The following LRMDA variants were observed in gnomAD, a reference collection of about 807,000 sequenced individuals.
LRMDA encodes the protein leucine-rich melanocyte differentiation-associated protein.
A neutral mutation model predicts 29.8 loss-of-function variants in LRMDA; 18 were observed. The observed-to-expected ratio is 0.60, with a 90% confidence interval of 0.42 to 0.90. LRMDA has a LOEUF of 0.90. Among genes scored for constraint, LRMDA ranks in the 40% least tolerant of loss-of-function variants. The pLI is 0.00. For missense variants in LRMDA, 273 were observed against 273.9 expected (o/e 1.00, Z 0.02); for synonymous variants, 125 against 109.4 (o/e 1.14, Z -0.89).
chr10:75,473,440 G>A (rs1380458045), intron 2 of LRMDA, among the ~76,000 whole-genome samples: 2 of 152,228 alleles, frequency 1.3e-5, no homozygotes, highest in Non-Finnish European at 2.9e-5. Flanking sequence ...ATGCGTTTCC[G>A]AAGTTCAGTG....
intron 2 of LRMDA, among the ~76,000 whole-genome samples, chr10:76,027,521 T>A (rs1440911115): frequency 6.6e-6 from 1 of 151,986 alleles, no homozygotes; most frequent in Non-Finnish European, 1.5e-5. Context: ...ATCACACACA[T>A]ACACACACAC....
chr10:76,021,707 G>A (rs145372258), intron 2 of LRMDA, among the ~76,000 whole-genome samples: 1 of 152,282 alleles, frequency 6.6e-6, no homozygotes, highest in Admixed American at 6.5e-5. Context: ...CTTAAGCCAG[G>A]CCTCTCCAGC....
At chr10:76,208,690 G>A (rs972676236) in intron 5 of LRMDA, among the ~76,000 whole-genome samples, 2 of 152,090 alleles carry the variant, frequency 1.3e-5, no homozygotes, top group African/African-American at 2.4e-5. Flanking sequence ...GAAGCCCAGG[G>A]TAATCTGTTA....
intron 2 of LRMDA, among the ~76,000 whole-genome samples, chr10:75,559,487 G>A (rs1355080710): frequency 2.0e-5 from 3 of 151,524 alleles, no homozygotes; most frequent in Non-Finnish European, 4.4e-5. Flanking sequence ...TAGGTTGCCT[G>A]TTCACTCTGA....
intron 5 of LRMDA, among the ~76,000 whole-genome samples, chr10:76,073,708 T>A (rs1247962263): frequency 6.6e-6 from 1 of 152,210 alleles, no homozygotes; most frequent in Non-Finnish European, 1.5e-5. Flanking sequence ...GTTGGCAGCC[T>A]ATCTTGGCTG....
Position 75,527,676 on chromosome 10 carries a change from A to G in LRMDA, c.131+89182A>G, listed in dbSNP as rs1378144711. 2.0e-5 allele frequency among the ~76,000 whole-genome samples: 3 copies of G among 147,778 alleles called. No homozygotes were observed. The East Asian group carries it at 5.8e-4, about 29-fold the overall frequency. ...ACTGTATACTATATAATTATAATAT[A>G]AATCATATATAATTTATATTATAAT... is the stretch of plus-strand genomic sequence containing the variant. On this transcript the variant is annotated intron_variant, in intron 2 of 6. Transcript: ENST00000611255.
intron 5 of LRMDA, among the ~76,000 whole-genome samples, chr10:76,129,362 G>T (rs1849944108): frequency 6.6e-6 from 1 of 152,166 alleles, no homozygotes; most frequent in Non-Finnish European, 1.5e-5. Flanking sequence ...CCTACTTCTG[G>T]CCAGGCTGTT....
chr10:75,756,695 T>C (rs143942187), intron 2 of LRMDA, among the ~76,000 whole-genome samples: 5 of 152,204 alleles, frequency 3.3e-5, no homozygotes, highest in African/African-American at 1.2e-4. Flanking sequence ...TTTGCCTACA[T>C]GTTTTCTCTT....
chr10:76,401,720 C>T (rs770842164), intron 6 of LRMDA, among the ~76,000 whole-genome samples: 3 of 152,126 alleles, frequency 2.0e-5, no homozygotes, highest in Admixed American at 6.5e-5. Flanking sequence ...GCTGCATAGT[C>T]AGGAAGTAAC....
At chr10:76,361,040 C>T (rs1404968911) in intron 6 of LRMDA, among the ~76,000 whole-genome samples, 1 of 151,898 alleles carries the variant, frequency 6.6e-6, no homozygotes, top group Non-Finnish European at 1.5e-5. Context: ...GCAGGTGGAT[C>T]GCTGGACGTC....
At chr10:76,049,083 T>C (rs1234315893) in intron 4 of LRMDA, among the ~76,000 whole-genome samples, 4 of 152,194 alleles carry the variant, frequency 2.6e-5, no homozygotes, top group Admixed American at 6.5e-5. Context: ...CAAAGGACTA[T>C]GATTCAGACT....
At position 76,038,167 on chromosome 10, in the gene LRMDA, C is replaced by A. The variant is rs147837940; in HGVS notation, c.258+2033C>A. ...CCATGGACTTTGGTTCATGTCTCAG[C>A]TTAATCATATTTAGCGGTGTGACCT... On this transcript the variant is annotated intron_variant, in intron 3 of 6. Coordinates refer to ENST00000611255, the MANE Select transcript of LRMDA (RefSeq NM_001305581.2). Among the ~76,000 whole-genome samples the A allele has an allele frequency of 5.8e-3, 883 of 152,302 alleles. 17 individuals carry two copies. Among genetic ancestry groups the A allele is most frequent in the African/African-American group, 0.02 (847 of 41,578 alleles).
intron 2 of LRMDA, among the ~76,000 whole-genome samples, chr10:75,463,369 G>A (rs2132039532): frequency 6.6e-6 from 1 of 152,238 alleles, no homozygotes; most frequent in African/African-American, 2.4e-5. Context: ...GACCTGACTT[G>A]AGCGTCAAGG....
chr10:75,696,252 A>G (rs552057563), intron 2 of LRMDA, among the ~76,000 whole-genome samples: 2 of 152,322 alleles, frequency 1.3e-5, no homozygotes, highest in Admixed American at 1.3e-4. Flanking sequence ...CTTTGTGTAC[A>G]TTGTGGATTG....
At chr10:75,591,561 C>A (rs886440552) in intron 2 of LRMDA, among the ~76,000 whole-genome samples, 1 of 152,182 alleles carries the variant, frequency 6.6e-6, no homozygotes, top group Middle Eastern at 3.2e-3. Context: ...TCTATGCTTA[C>A]CCTCAGTATA....
intron 2 of LRMDA, among the ~76,000 whole-genome samples, chr10:75,502,723 C>G (rs1370310673): frequency 6.6e-6 from 1 of 152,108 alleles, no homozygotes; most frequent in South Asian, 2.1e-4. Context: ...TGGGTACACA[C>G]TTCTTTCTCT....
chr10:75,854,880 C>CT (rs1844797188), intron 2 of LRMDA, among the ~76,000 whole-genome samples: 1 of 152,126 alleles, frequency 6.6e-6, no homozygotes, highest in African/African-American at 2.4e-5. Flanking sequence ...ATCCATGTCC[C>CT]TAAAAAGGAC....
In LRMDA at chr10:75,589,765, A is replaced by AATATATAT. The variant is rs111822600; in HGVS notation, c.131+151277_131+151284dup. Among the ~76,000 whole-genome samples the AATATATAT allele has an allele frequency of 9.0e-5, 13 of 144,886 alleles. No homozygotes were observed. In the East Asian group the frequency reaches 2.4e-3, roughly 27 times the overall value. On this transcript the variant is annotated intron_variant, in intron 2 of 6. Transcript: ENST00000611255. The stretch of plus-strand genomic sequence containing the variant: ...GGAGATAGAGACCCTGTCTAAAAAA[A>AATATATAT]ATATATATATATAGAGAGAGAGAGA...
chr10:76,190,217 A>G (rs180767660), intron 5 of LRMDA, among the ~76,000 whole-genome samples: 20 of 152,250 alleles, frequency 1.3e-4, no homozygotes, highest in African/African-American at 4.3e-4. Flanking sequence ...ATTACATTTA[A>G]TTAAATTAGG....
Sources: allele counts gnomAD v4.1 joint callset (sites outside exome capture counted in the v4.1 genomes callset), GRCh38; gene constraint gnomAD v4.1.1; transcripts MANE v1.5; gene names NCBI Gene and HGNC (gene_info 2026-07-23, HGNC 2026-07-21).